Variants in RYR1 observed in about 807,000 individuals in gnomAD.
RYR1 encodes the protein central core disease of muscle.
RYR1 carries 342 observed loss-of-function variants against 583.5 expected under a neutral mutation model. The ratio of observed to expected loss-of-function variants is 0.59; its 90% CI spans 0.54 to 0.64. RYR1 has a LOEUF of 0.64. RYR1 is among the 30% of genes least tolerant of loss of function. The probability of loss-of-function intolerance (pLI) is 0.00; values close to 1 mark genes in which losing one functional copy is unlikely to be tolerated. For synonymous variants in RYR1, 2,791 were observed against 2,822.5 expected (o/e 0.99, Z 0.35); for missense variants, 6,032 against 6,917.2 (o/e 0.87, Z 4.54).
chr19:38,570,565 C>G, intron 93 of RYR1, 42 bp from the exon 94 acceptor site: 1 of 1,483,786 alleles, frequency 6.7e-7, no homozygotes, highest in Admixed American at 1.7e-5. Flanking sequence ...AGGGAAGAGG[C>G]TGATCTGTGA....
chr19:38,577,932 T>C lies in RYR1; in HGVS notation c.14187T>C (p.His4729=). ...CTCTTGTGCAGGTCCTGGACAAACA[T>C]GGGGACATCTACGGGCGGGAGCGGA... ...KFVKRKVLDK[H]GDIYGRERIA... is the part of the protein sequence containing the mutation. The change falls in exon 98 of 106, where the codon CAT becomes CAC. Residue 4729 remains histidine (H), a synonymous_variant. Transcript: ENST00000359596. 1 of 1,614,008 alleles carries C rather than the reference T, an allele frequency of 6.2e-7. No individual in the cohort carries two copies. The highest frequency in any genetic ancestry group is 8.5e-7 in the Non-Finnish European group (1 of 1,180,006).
In RYR1 at chr19:38,455,275, A is replaced by T; in HGVS notation, c.1481A>T (p.Asn494Ile). ...GTCCTGAATTGCATAGACCGCCTAA[A>T]TGTCTACACCACTGCTGCCCACTTT... ...SMVLNCIDRL[N>I]VYTTAAHFAE... The change falls in exon 14 of 106, where the codon AAT becomes ATT. Residue 494 changes from asparagine (N) to isoleucine (I), a missense_variant. Physicochemically the swap from Asn to Ile is moderately radical, Grantham distance 149. Around this residue, in one of 11 missense-constraint regions of RYR1, gnomAD observed 2,627 missense variants for 2,961.3 expected, o/e 0.89. Transcript: ENST00000359596. 1 of 1,614,088 alleles carries T rather than the reference A, an allele frequency of 6.2e-7. No homozygotes were observed.
chr19:38,457,731 AC>A (rs1454109046), intron 17 of RYR1, 101 bp downstream of exon 17: 12 of 1,257,220 alleles, frequency 9.5e-6, no homozygotes, highest in Non-Finnish European at 1.4e-5. Flanking sequence ...TTAATCTCCC[AC>A]CCCAGGGTTA....
intron 13 of RYR1, 93 bp from the exon 14 acceptor site, chr19:38,455,142 T>C: frequency 7.0e-7 from 1 of 1,434,836 alleles, no homozygotes; most frequent in Non-Finnish European, 9.8e-7. Flanking sequence ...CGTCACTAGT[T>C]GTTGAAGGAA....
At chr19:38,440,419 A>T (rs1972617101) in intron 1 of RYR1, among the ~76,000 whole-genome samples, 1 of 152,128 alleles carries the variant, frequency 6.6e-6, no homozygotes, top group Non-Finnish European at 1.5e-5. Context: ...CACGCTTGTA[A>T]TTTCAGCTAT....
rs760559322 is a variant in RYR1, at chr19:38,490,263, C to T, written c.6002C>T (p.Pro2001Leu). ...AGACGTACCCGCGAGTTCCGCTCCCCACCCCAGGAACAGGTCATCTGACCC... is the reference window on the plus strand; with the variant it reads ...AGACGTACCCGCGAGTTCCGCTCCCTACCCCAGGAACAGGTCATCTGACCC... ...TARRTREFRS[P>L]PQEQINMLLQ... Residue 2001 changes from proline (P) to leucine (L), a missense_variant, in exon 36 of 106, where the codon CCA (proline) becomes CTA (leucine). This residue lies in a region of RYR1 where 2,627 missense variants were observed against 2,961.3 expected (regional missense o/e 0.89). Coordinates refer to ENST00000359596, the MANE Select transcript of RYR1 (RefSeq NM_000540.3). 2 of 1,613,928 alleles carry T rather than the reference C, an allele frequency of 1.2e-6. No homozygotes were observed. Among genetic ancestry groups the T allele is most frequent in the South Asian group, 1.1e-5 (1 of 91,038 alleles).
At chr19:38,508,621 A>T (rs1970588240) in intron 58 of RYR1, among the ~76,000 whole-genome samples, 1 of 152,190 alleles carries the variant, frequency 6.6e-6, no homozygotes, top group African/African-American at 2.4e-5. Context: ...CTCTGGGGGC[A>T]TCTGTTCCTT....
At chr19:38,575,896 G>A (rs768897796) in intron 96 of RYR1, 23 bp from the exon 97 acceptor site, 9 of 1,613,250 alleles carry the variant, frequency 5.6e-6, no homozygotes, top group South Asian at 4.4e-5. Flanking sequence ...TTATACTCAC[G>A]CTTTCTCTCT....
At position 38,519,288 on chromosome 19, in the gene RYR1, C is replaced by T; in HGVS notation, c.10093C>T (p.Leu3365=). The T allele has an allele frequency of 1.2e-6, 2 of 1,614,144 alleles. No homozygotes were observed. The highest frequency in any genetic ancestry group is 4.5e-5 in the East Asian group (2 of 44,880). Residue 3365 remains leucine (L), a synonymous_variant, in exon 67 of 106, where the codon CTG becomes TTG. Transcript: ENST00000359596. The part of the protein sequence containing the change: ...QSHFIPTIGR[L]RKRAGKVVSE... The stretch of plus-strand genomic sequence containing the variant: ...CCACTTCATCCCAACTATCGGGCGG[C>T]TGCGCAAGAGGGCAGGGAAGGTGGT...
At chr19:38,557,051 CTTTT>C (rs35027525) in intron 89 of RYR1, among the ~76,000 whole-genome samples, 1 of 108,834 alleles carries the variant, frequency 9.2e-6, no homozygotes. Context: ...AGTCTCATTT[CTTTT>C]TTTTTTTTTT....
chr19:38,475,500 AC>A, intron 29 of RYR1, 50 bp downstream of exon 29: 1 of 1,609,576 alleles, frequency 6.2e-7, no homozygotes, highest in Non-Finnish European at 8.5e-7. Flanking sequence ...TAGCATAGGC[AC>A]TCCTGAATTT....
At chr19:38,441,269 A>AG (rs1235217769) in intron 2 of RYR1, among the ~76,000 whole-genome samples, 4 of 11,666 alleles carry the variant, frequency 3.4e-4, no homozygotes, top group Non-Finnish European at 6.4e-4. Flanking sequence ...GGGCGTGGGG[A>AG]GGGGGGGTAG....
In RYR1 at chr19:38,478,475, T is replaced by G. The variant is rs1375580585; in HGVS notation, c.4495T>G (p.Phe1499Val). 9 of 1,613,930 alleles carry G rather than the reference T, an allele frequency of 5.6e-6. No individual in the cohort carries two copies. In the Admixed American group the frequency reaches 1.5e-4, roughly 27 times the overall value. ...CTGCTACATGGTGTGGGGCGGAGAC[T>G]TTGTGAGTCCCGGGCAGCAGGGCCG... The part of the protein sequence containing the change: ...SNCYMVWGGD[F>V]VSPGQQGRIS... Residue 1499 changes from phenylalanine (F) to valine (V), a missense_variant, in exon 31 of 106, where the codon TTT becomes GTT. Transcript: ENST00000359596.
In RYR1 at chr19:38,469,449, C is replaced by T. The variant is rs1476511996; in HGVS notation, c.3701C>T (p.Thr1234Ile). 2.5e-6 allele frequency: 4 copies of T among 1,614,054 alleles called. No individual in the cohort carries two copies. Among genetic ancestry groups the T allele is most frequent in the East Asian group, 2.2e-5 (1 of 44,888 alleles). ...GCCATCAACATGCAGCGCCCAGTCA[C>T]CACCTGGTTCAGCAAAGGCCTGCCC... The part of the protein sequence containing the change: ...PFAINMQRPV[T>I]TWFSKGLPQF... Residue 1234 changes from threonine (T) to isoleucine (I), a missense_variant, in exon 27 of 106, where the codon ACC becomes ATC. This residue lies in a region of RYR1 where 2,627 missense variants were observed against 2,961.3 expected (regional missense o/e 0.89). Transcript: ENST00000359596.
At chr19:38,448,942 C>A in intron 11 of RYR1, 129 bp downstream of exon 11, 2 of 895,214 alleles carry the variant, frequency 2.2e-6, no homozygotes, top group Middle Eastern at 3.3e-4. Flanking sequence ...AGATGGGGTG[C>A]AGGAGGGTAC....
chr19:38,519,575 T>A, intron 67 of RYR1, 121 bp downstream of exon 67: 1 of 1,133,010 alleles, frequency 8.8e-7, no homozygotes, highest in Non-Finnish European at 1.3e-6. Flanking sequence ...CCCACCAACC[T>A]TCTGACTCTT....
chr19:38,514,981 T>C (rs1970892289), intron 63 of RYR1, 45 bp from the exon 64 acceptor site: 3 of 1,405,438 alleles, frequency 2.1e-6, no homozygotes, highest in East Asian at 2.3e-5. Context: ...GGGGAGGGCT[T>C]GTCTTGTGAG....
intron 78 of RYR1, among the ~76,000 whole-genome samples, chr19:38,533,714 C>T (rs1288443446): frequency 6.6e-6 from 1 of 151,518 alleles, no homozygotes; most frequent in South Asian, 2.1e-4. Flanking sequence ...ATCGCTTGAA[C>T]CCGCGAGGTG....
chr19:38,542,108 T>G (rs1424079068), intron 84 of RYR1, among the ~76,000 whole-genome samples: 3 of 150,562 alleles, frequency 2.0e-5, no homozygotes, highest in Admixed American at 6.6e-5. Context: ...GGACTGTTTT[T>G]TTTTTTTTTA....
Sources: gnomAD v4.1 joint callset for allele counts (sites outside exome capture counted in the v4.1 genomes callset) on GRCh38, gnomAD v4.1.1 for gene constraint, gnomAD v4.1.1 regional missense constraint, MANE v1.5 for transcripts, NCBI Gene and HGNC (gene_info 2026-07-23, HGNC 2026-07-21) for gene names.